The following NCAM2 variants were observed in gnomAD, a reference collection of about 807,000 sequenced individuals.
NCAM2 encodes the protein N-CAM-2.
Under a neutral mutation model 98.1 loss-of-function variants are expected in NCAM2, and 30 were observed. That is an observed-to-expected ratio of 0.31 (90% CI 0.23 to 0.41). The LOEUF is 0.41. Ranked by LOEUF, NCAM2 falls within the 10% of genes least tolerant of loss-of-function variation. The pLI, the probability that NCAM2 is intolerant of heterozygous loss-of-function variation, is 1.00. For missense variants in NCAM2, 867 were observed against 1,005.8 expected, an observed-to-expected ratio of 0.86 and a Z score of 1.87; for synonymous variants, 368 against 342.4, an observed-to-expected ratio of 1.07 and a Z score of -0.83.
At position 21,292,085 on chromosome 21, in the gene NCAM2, C is replaced by A. The variant is rs760459830; in HGVS notation, c.482-19C>A. 5 of 1,598,916 alleles carry A rather than the reference C, an allele frequency of 3.1e-6. No individual in the cohort carries two copies. The Admixed American group carries it at 6.9e-5, about 22-fold the overall frequency. On this transcript the variant is annotated intron_variant, in intron 4 of 17. Transcript: ENST00000400546. ...CTTCAATTACTGATACCATTTTCTC[C>A]CCTTTGCTTTCTTTCCAGATCGGTT... is the stretch of plus-strand genomic sequence containing the variant.
At chr21:21,240,022 A>G (rs1348168335) in intron 1 of NCAM2, among the ~76,000 whole-genome samples, 9 of 152,078 alleles carry the variant, frequency 5.9e-5, no homozygotes, top group Non-Finnish European at 1.2e-4. Context: ...TTATACACAC[A>G]TACACAATAT....
At chr21:21,287,028 T>C (rs1055971747) in intron 4 of NCAM2, among the ~76,000 whole-genome samples, 1 of 151,942 alleles carries the variant, frequency 6.6e-6, no homozygotes, top group Non-Finnish European at 1.5e-5. Context: ...AAAAGTACTT[T>C]CATTCAAATT....
intron 15 of NCAM2, among the ~76,000 whole-genome samples, chr21:21,502,282 T>C (rs527619796): frequency 2.3e-4 from 35 of 152,096 alleles, no homozygotes; most frequent in Admixed American, 5.2e-4. Context: ...CTCAATTTTC[T>C]ATCCATGTAT....
rs563234814 is a variant in NCAM2 at position 21,517,940 on chromosome 21, C to T, written c.2282+8885C>T. Among the ~76,000 whole-genome samples the T allele has an allele frequency of 3.2e-4, 49 of 152,174 alleles. 1 individual carries two copies. The highest frequency in any genetic ancestry group is 1.1e-3 in the African/African-American group (46 of 41,530). ...GTAGCTGTGAAAAGATTCCAAGAAC[C>T]AGTGGAAAAATAAATGAGCTTGAAT... On this transcript the variant is annotated intron_variant, in intron 16 of 17. Coordinates refer to ENST00000400546, the MANE Select transcript of NCAM2 (RefSeq NM_004540.5).
intron 1 of NCAM2, among the ~76,000 whole-genome samples, chr21:21,224,026 C>T (rs2070279771): frequency 1.3e-5 from 2 of 152,156 alleles, no homozygotes; most frequent in African/African-American, 2.4e-5. Flanking sequence ...CTCTCTAGAA[C>T]ATTTATTATC....
intron 9 of NCAM2, among the ~76,000 whole-genome samples, chr21:21,399,979 T>G (rs2076594291): frequency 6.6e-6 from 1 of 152,144 alleles, no homozygotes; most frequent in South Asian, 2.1e-4. Flanking sequence ...CAGTACTGAC[T>G]CCAAGTTCAC....
chr21:21,068,020 AT>A (rs2065476334), intron 1 of NCAM2, among the ~76,000 whole-genome samples: 1 of 152,024 alleles, frequency 6.6e-6, no homozygotes, highest in Non-Finnish European at 1.5e-5. Flanking sequence ...TAACTTTCTG[AT>A]TGAGGAACTT....
chr21:21,430,466 A>T (rs2077310336), intron 11 of NCAM2, among the ~76,000 whole-genome samples: 1 of 150,120 alleles, frequency 6.7e-6, no homozygotes, highest in South Asian at 2.1e-4. Flanking sequence ...AAGGACAGAA[A>T]TTTAATTGAC....
chr21:21,248,253 C>G (rs2071351002), intron 1 of NCAM2, among the ~76,000 whole-genome samples: 1 of 151,934 alleles, frequency 6.6e-6, no homozygotes, highest in African/African-American at 2.4e-5. Flanking sequence ...AAAAAACATA[C>G]AGTTATATAA....
At chr21:21,364,885 G>T (rs907293566) in intron 8 of NCAM2, among the ~76,000 whole-genome samples, 1 of 152,008 alleles carries the variant, frequency 6.6e-6, no homozygotes, top group African/African-American at 2.4e-5. Context: ...GGCCTGATTT[G>T]CACAATGAAC....
intron 1 of NCAM2, among the ~76,000 whole-genome samples, chr21:21,146,113 G>A (rs2067268349): frequency 6.6e-6 from 1 of 152,056 alleles, no homozygotes; most frequent in African/African-American, 2.4e-5. Context: ...ATCACAATAT[G>A]CCATTGTAAA....
At chr21:21,059,407 G>T (rs1229640810) in intron 1 of NCAM2, among the ~76,000 whole-genome samples, 2 of 152,076 alleles carry the variant, frequency 1.3e-5, no homozygotes, top group African/African-American at 4.8e-5. Context: ...ACTTTGGTTA[G>T]CTTAATTTAA....
At chr21:21,027,137 C>T (rs1214949018) in intron 1 of NCAM2, among the ~76,000 whole-genome samples, 1 of 152,120 alleles carries the variant, frequency 6.6e-6, no homozygotes, top group African/African-American at 2.4e-5. Context: ...GGATTACAGG[C>T]GTGAGCCGCC....
At chr21:21,023,645 C>T (rs975105109) in intron 1 of NCAM2, among the ~76,000 whole-genome samples, 2 of 151,916 alleles carry the variant, frequency 1.3e-5, no homozygotes, top group Non-Finnish European at 2.9e-5. Flanking sequence ...AGATCCAAAA[C>T]CTTTTTAATA....
intron 1 of NCAM2, among the ~76,000 whole-genome samples, chr21:21,205,267 A>C (rs2069393795): frequency 6.6e-6 from 1 of 152,174 alleles, no homozygotes; most frequent in Non-Finnish European, 1.5e-5. Context: ...TTTTCTCATA[A>C]AACTGTATTT....
chr21:21,221,113 T>C (rs1364246956), intron 1 of NCAM2, among the ~76,000 whole-genome samples: 1 of 152,180 alleles, frequency 6.6e-6, no homozygotes, highest in African/African-American at 2.4e-5. Context: ...TTTAATTGTT[T>C]TGGGGCACCA....
chr21:21,269,206 G>A (rs1370698448), intron 1 of NCAM2, among the ~76,000 whole-genome samples: 5 of 151,906 alleles, frequency 3.3e-5, no homozygotes, highest in Non-Finnish European at 7.4e-5. Flanking sequence ...CTTAATCTTG[G>A]TACTAAACAT....
At chr21:21,084,754 C>G (rs570326088) in intron 1 of NCAM2, among the ~76,000 whole-genome samples, 85 of 152,174 alleles carry the variant, frequency 5.6e-4, no homozygotes, top group African/African-American at 2.0e-3. Context: ...TCTTTTGTTT[C>G]CCAATTGTCT....
chr21:21,456,553 TTTAAA>T (rs1982176433), intron 12 of NCAM2, among the ~76,000 whole-genome samples: 1 of 152,156 alleles, frequency 6.6e-6, no homozygotes, highest in African/African-American at 2.4e-5. Flanking sequence ...CCTCTAATAG[TTTAAA>T]TTAAATTTTA....
Sources: allele counts gnomAD v4.1 joint callset (sites outside exome capture counted in the v4.1 genomes callset), GRCh38; gene constraint gnomAD v4.1.1; transcripts MANE v1.5; gene names NCBI Gene and HGNC (gene_info 2026-07-23, HGNC 2026-07-21).